Variants in PAQR5 observed in about 807,000 individuals in gnomAD.
The protein encoded by PAQR5 is progestin and adipoQ receptor family member 5.
A neutral mutation model predicts 34.5 loss-of-function variants in PAQR5; 20 were observed. The observed-to-expected ratio is 0.58, with a 90% CI of 0.41 to 0.84. The LOEUF is 0.84. Among genes scored for constraint, PAQR5 ranks in the 40% least tolerant of loss-of-function variants. The pLI, the probability that PAQR5 is intolerant of heterozygous loss-of-function variation, is 0.00. For synonymous variants in PAQR5, 131 were observed against 155.6 expected (o/e 0.84, Z 1.18); for missense variants, 378 against 412.7 (o/e 0.92, Z 0.73).
At chr15:69,359,462 A>G (rs2055174120) in intron 2 of PAQR5, among the ~76,000 whole-genome samples, 1 of 151,818 alleles carries the variant, frequency 6.6e-6, no homozygotes, top group Non-Finnish European at 1.5e-5. Flanking sequence ...CACAACTCTA[A>G]GGGGGTGCGT....
At chr15:69,304,424 C>T (rs2140516203) in intron 1 of PAQR5, among the ~76,000 whole-genome samples, 1 of 152,290 alleles carries the variant, frequency 6.6e-6, no homozygotes, top group South Asian at 2.1e-4. Flanking sequence ...ATGGTGTTGG[C>T]TCCTTGGAGA....
intron 1 of PAQR5, among the ~76,000 whole-genome samples, chr15:69,303,624 T>G (rs1424735889): frequency 6.6e-6 from 1 of 150,412 alleles, no homozygotes; most frequent in African/African-American, 2.4e-5. Flanking sequence ...AATTCTCCAG[T>G]GCACTGGAGA....
chr15:69,390,317 GTTTTTTATTTAT>G (rs1567038262), intron 6 of PAQR5, among the ~76,000 whole-genome samples: 4 of 130,424 alleles, frequency 3.1e-5, no homozygotes, highest in African/African-American at 1.1e-4. Flanking sequence ...TGCCTGACCT[GTTTTTTATTTAT>G]TTATTTATTT....
intron 8 of PAQR5, among the ~76,000 whole-genome samples, 172 bp from the exon 9 acceptor site, chr15:69,403,409 C>T (rs2056695529): frequency 6.6e-6 from 1 of 152,170 alleles, no homozygotes; most frequent in Non-Finnish European, 1.5e-5. Flanking sequence ...GAGGCAGCCT[C>T]TAATCTACTC....
At chr15:69,391,572 C>T in intron 6 of PAQR5, 1 of 446,886 alleles carries the variant, frequency 2.2e-6, no homozygotes, top group South Asian at 1.6e-5. Context: ...GGTGCATGGG[C>T]TTGTGGACTG....
At chr15:69,310,585 C>T (rs550997772) in intron 1 of PAQR5, among the ~76,000 whole-genome samples, 1 of 152,064 alleles carries the variant, frequency 6.6e-6, no homozygotes, top group African/African-American at 2.4e-5. Flanking sequence ...TGAAGTTGTT[C>T]TTATCAGAAC....
chr15:69,300,937 CTCTT>C (rs1327940470), intron 1 of PAQR5, among the ~76,000 whole-genome samples: 413 of 5,172 alleles, frequency 0.08, 114 homozygotes, highest in Non-Finnish European at 0.17. Context: ...CTCTCTCTCT[CTCTT>C]TCTTTCCTTC....
At chr15:69,300,496 C>T (rs564157674) in intron 1 of PAQR5, among the ~76,000 whole-genome samples, 1 of 152,138 alleles carries the variant, frequency 6.6e-6, no homozygotes, top group South Asian at 2.1e-4. Flanking sequence ...TCCCTTGGCA[C>T]CCTTACCCAC....
intron 2 of PAQR5, among the ~76,000 whole-genome samples, chr15:69,346,473 T>C (rs1020575068): frequency 6.6e-6 from 1 of 151,832 alleles, no homozygotes; most frequent in Non-Finnish European, 1.5e-5. Context: ...GCCCAGTTAA[T>C]ATTTTTTGTA....
chr15:69,355,811 A>G (rs1313510364), intron 2 of PAQR5, among the ~76,000 whole-genome samples: 1 of 152,112 alleles, frequency 6.6e-6, no homozygotes, highest in East Asian at 1.9e-4. Flanking sequence ...AAGGAATAGA[A>G]TGATATAAAG....
At chr15:69,313,570 C>T (rs2053875820) in intron 1 of PAQR5, among the ~76,000 whole-genome samples, 1 of 151,830 alleles carries the variant, frequency 6.6e-6, no homozygotes, top group African/African-American at 2.4e-5. Context: ...CTGTGGTTGG[C>T]AGAGAAGATT....
At chr15:69,322,160 T>TAAA (rs34094930) in intron 1 of PAQR5, among the ~76,000 whole-genome samples, 1 of 120,864 alleles carries the variant, frequency 8.3e-6, no homozygotes, top group African/African-American at 3.2e-5. Context: ...ACCCCATTTC[T>TAAA]AAAAAAAAAA....
intron 2 of PAQR5, among the ~76,000 whole-genome samples, chr15:69,351,317 A>G (rs765656007): frequency 1.3e-5 from 2 of 152,272 alleles, no homozygotes; most frequent in Non-Finnish European, 2.9e-5. Context: ...GGCCTGTGCC[A>G]AAGACAGATG....
chr15:69,365,193 G>A (rs988475907), intron 3 of PAQR5, among the ~76,000 whole-genome samples: 3 of 151,874 alleles, frequency 2.0e-5, no homozygotes, highest in Admixed American at 2.0e-4. Context: ...CGCAACCTCT[G>A]CCTCCCAGGT....
At chr15:69,365,112 A>G (rs555719307) in intron 3 of PAQR5, among the ~76,000 whole-genome samples, 2 of 77,550 alleles carry the variant, frequency 2.6e-5, no homozygotes, top group Non-Finnish European at 5.1e-5. Flanking sequence ...ATTTTATTTT[A>G]TTTATTTATT....
intron 7 of PAQR5, 71 bp downstream of exon 7, chr15:69,397,635 G>A (rs1365770178): frequency 9.7e-7 from 1 of 1,032,040 alleles, no homozygotes; most frequent in African/African-American, 1.6e-5. Context: ...CTGAGCTTCT[G>A]GGGGGTCACA....
At chr15:69,366,159 G>A (rs1436376834) in intron 3 of PAQR5, among the ~76,000 whole-genome samples, 1 of 152,178 alleles carries the variant, frequency 6.6e-6, no homozygotes, top group African/African-American at 2.4e-5. Context: ...CTTTCTGTCT[G>A]TATGGATTTG....
intron 1 of PAQR5, among the ~76,000 whole-genome samples, chr15:69,305,845 C>T (rs934204061): frequency 2.0e-5 from 3 of 152,160 alleles, no homozygotes; most frequent in African/African-American, 4.8e-5. Context: ...CCCCTTCTGA[C>T]CTTGTCGCTT....
intron 2 of PAQR5, among the ~76,000 whole-genome samples, chr15:69,359,017 T>TAGC (rs1169292314): frequency 6.6e-6 from 1 of 152,166 alleles, no homozygotes; most frequent in Non-Finnish European, 1.5e-5. Context: ...TTATTGCTAA[T>TAGC]GGTTCTGGAG....
Sources: gnomAD v4.1 joint callset for allele counts (sites outside exome capture counted in the v4.1 genomes callset) on GRCh38, gnomAD v4.1.1 for gene constraint, MANE v1.5 for transcripts, NCBI Gene and HGNC (gene_info 2026-07-23, HGNC 2026-07-21) for gene names.